TMEFF2: variants seen among roughly 807,000 people sequenced by gnomAD.
TMEFF2 encodes transmembrane protein with EGF like and two follistatin like domains 2.
TMEFF2 carries 28 observed loss-of-function variants against 53.8 expected under a neutral mutation model. That is an observed-to-expected ratio of 0.52 (90% confidence interval 0.39 to 0.71). The LOEUF (loss-of-function observed/expected upper bound fraction) is 0.71, where lower values mean the gene tolerates loss of function less well. TMEFF2 is among the 30% of genes least tolerant of loss of function. The pLI is 0.00. For missense variants in TMEFF2, 353 were observed against 455.2 expected (o/e 0.78, Z 2.04); for synonymous variants, 162 against 166.3 (o/e 0.97, Z 0.20).
chr2:192,159,200 AC>A (rs1690577432), intron 4 of TMEFF2, among the ~76,000 whole-genome samples: 1 of 152,164 alleles, frequency 6.6e-6, no homozygotes, highest in South Asian at 2.1e-4. Context: ...GTTTTATGCT[AC>A]CGTTATTTGT....
chr2:192,063,889 C>G (rs1033671357), intron 4 of TMEFF2, among the ~76,000 whole-genome samples: 6 of 151,570 alleles, frequency 4.0e-5, no homozygotes, highest in African/African-American at 1.5e-4. Flanking sequence ...TAATTTTTTG[C>G]TTGATGTTTC....
At chr2:192,143,240 T>C (rs960511033) in intron 4 of TMEFF2, among the ~76,000 whole-genome samples, 6 of 152,150 alleles carry the variant, frequency 3.9e-5, no homozygotes, top group Non-Finnish European at 5.9e-5. Flanking sequence ...AATCTAATCT[T>C]GATCTGTTTA....
Position 192,194,336 on chromosome 2 carries a change from G to T in TMEFF2, c.172+17C>A. The T allele has an allele frequency of 6.2e-7, 1 of 1,612,900 alleles. No individual in the cohort carries two copies. Among genetic ancestry groups the T allele is most frequent in the South Asian group, 1.1e-5 (1 of 90,994 alleles). On this transcript the variant is annotated intron_variant, in intron 1 of 9. Transcript: ENST00000272771. This position sits in a 1 kb window ranked among gnomAD's most constrained non-coding sequence, Gnocchi z 4.2. Reference sequence around the variant, plus strand: ...TCTGCGGAGTTAAAGGGTCGGGGACGGGGGTTCTGGACTTACCAGAGCAAT... The same window carrying T: ...TCTGCGGAGTTAAAGGGTCGGGGACTGGGGTTCTGGACTTACCAGAGCAAT...
chr2:192,018,275 C>A (rs1440208083), intron 5 of TMEFF2, among the ~76,000 whole-genome samples: 2 of 152,198 alleles, frequency 1.3e-5, no homozygotes, highest in East Asian at 3.8e-4. Flanking sequence ...GAAAAACTAT[C>A]TAGCTGTGTT....
chr2:192,002,344 T>C lies in TMEFF2; in HGVS notation c.537-3136A>G, dbSNP rs1011893255. 3.3e-5 allele frequency among the ~76,000 whole-genome samples: 5 copies of C among 152,186 alleles called. No individual in the cohort carries two copies. In the South Asian group the frequency reaches 1.0e-3, roughly 32 times the overall value. ...TATTGGTCTTTTTCTCAATTGCATA[T>C]CCTCATCATTAACTTCCATCTTTGC... On this transcript the variant is annotated intron_variant, in intron 5 of 9. Coordinates refer to ENST00000272771, the MANE Select transcript of TMEFF2 (RefSeq NM_016192.4).
At chr2:192,164,063 T>C (rs1409024909) in intron 4 of TMEFF2, among the ~76,000 whole-genome samples, 2 of 152,152 alleles carry the variant, frequency 1.3e-5, no homozygotes, top group Non-Finnish European at 2.9e-5. Context: ...TACTCTTGCC[T>C]CATCTACAAT....
At chr2:192,102,573 C>CT (rs1255322747) in intron 4 of TMEFF2, among the ~76,000 whole-genome samples, 1 of 150,106 alleles carries the variant, frequency 6.7e-6, no homozygotes, top group African/African-American at 2.5e-5. Context: ...CCTTCCCCTC[C>CT]TTTTATTTTT....
intron 7 of TMEFF2, among the ~76,000 whole-genome samples, chr2:191,961,297 AC>A (rs1406989878): frequency 6.6e-6 from 1 of 152,120 alleles, no homozygotes; most frequent in Non-Finnish European, 1.5e-5. Context: ...CTTGACACGC[AC>A]ATGCGAGTAT....
intron 7 of TMEFF2, among the ~76,000 whole-genome samples, chr2:191,963,094 G>C (rs1448419665): frequency 1.3e-5 from 2 of 152,116 alleles, no homozygotes; most frequent in Admixed American, 1.3e-4. Flanking sequence ...TTAGCCTCTT[G>C]GGAGTCCAGA....
At chr2:192,189,175 A>G (rs936000002) in intron 2 of TMEFF2, among the ~76,000 whole-genome samples, 2 of 152,236 alleles carry the variant, frequency 1.3e-5, no homozygotes, top group East Asian at 3.9e-4. Context: ...TCCAGTGATA[A>G]GGCAAATTGA....
intron 4 of TMEFF2, among the ~76,000 whole-genome samples, chr2:192,106,136 T>C (rs1689139157): frequency 6.6e-6 from 1 of 151,712 alleles, no homozygotes; most frequent in Non-Finnish European, 1.5e-5. Context: ...ATATTTGAAA[T>C]GTCCAAAAAT....
intron 4 of TMEFF2, among the ~76,000 whole-genome samples, chr2:192,073,014 ACAAGCAGTT>A (rs1688326748): frequency 1.3e-5 from 2 of 151,974 alleles, no homozygotes; most frequent in Non-Finnish European, 2.9e-5. Context: ...ACACTGCCTG[ACAAGCAGTT>A]CAAAGAGAAA....
At chr2:192,066,748 TGAAG>T (rs970298334) in intron 4 of TMEFF2, among the ~76,000 whole-genome samples, 5 of 151,524 alleles carry the variant, frequency 3.3e-5, no homozygotes, top group Admixed American at 6.6e-5. Flanking sequence ...AAAGAAGAAA[TGAAG>T]GAAGGAAGGC....
At chr2:192,023,591 C>G (rs922346977) in intron 5 of TMEFF2, among the ~76,000 whole-genome samples, 2 of 152,070 alleles carry the variant, frequency 1.3e-5, no homozygotes, top group African/African-American at 4.8e-5. Context: ...TTTCTGCAGA[C>G]AAAGAAATGG....
At chr2:192,083,396 C>T (rs1232304585) in intron 4 of TMEFF2, among the ~76,000 whole-genome samples, 1 of 152,066 alleles carries the variant, frequency 6.6e-6, no homozygotes, top group African/African-American at 2.4e-5. Flanking sequence ...GAGGCCAAAC[C>T]TCCAAGATTT....
chr2:192,093,663 A>G (rs920323990), intron 4 of TMEFF2, among the ~76,000 whole-genome samples: 1 of 152,080 alleles, frequency 6.6e-6, no homozygotes, highest in Non-Finnish European at 1.5e-5. Flanking sequence ...TCTCCATAGA[A>G]AATTGTATCA....
At chr2:192,097,730 CTTTATA>C (rs1255172548) in intron 4 of TMEFF2, among the ~76,000 whole-genome samples, 2 of 152,214 alleles carry the variant, frequency 1.3e-5, no homozygotes, top group East Asian at 3.9e-4. Flanking sequence ...TTATTAAGGT[CTTTATA>C]TTTTTATTTT....
intron 4 of TMEFF2, among the ~76,000 whole-genome samples, chr2:192,079,543 C>T (rs148752811): frequency 1.1e-4 from 17 of 152,248 alleles, no homozygotes; most frequent in African/African-American, 2.9e-4. Flanking sequence ...CAGGCCTAGA[C>T]GGTCATTGTG....
At chr2:192,006,252 A>G (rs760030939) in intron 5 of TMEFF2, among the ~76,000 whole-genome samples, 22 of 152,122 alleles carry the variant, frequency 1.4e-4, no homozygotes, top group Non-Finnish European at 2.9e-4. Context: ...TGCAAAACAT[A>G]GAAGTTGGCC....
Sources: gnomAD v4.1 joint callset for allele counts (sites outside exome capture counted in the v4.1 genomes callset) on GRCh38, gnomAD v4.1.1 for gene constraint, Gnocchi (gnomAD v3.1) non-coding constraint, MANE v1.5 for transcripts, NCBI Gene and HGNC (gene_info 2026-07-23, HGNC 2026-07-21) for gene names.